The following CNOT7 variants were observed in gnomAD, a reference collection of about 807,000 sequenced individuals.
CNOT7 encodes CCR4-NOT transcription complex subunit 7, also known as BTG1-binding factor 1.
A neutral mutation model predicts 37.1 loss-of-function variants in CNOT7; 4 were observed. The observed-to-expected ratio is 0.11, with a 90% CI of 0.05 to 0.25. The LOEUF (loss-of-function observed/expected upper bound fraction) is 0.25. Among genes scored for constraint, CNOT7 ranks in the 10% least tolerant of loss-of-function variants. The pLI is 1.00. For missense variants in CNOT7, 170 were observed against 336.2 expected (o/e 0.51, Z 3.87); for synonymous variants, 128 against 115.6 (o/e 1.11, Z -0.69).
chr8:17,243,439 T>C lies in CNOT7; in HGVS notation c.118-254A>G, dbSNP rs555006068. 109 of 606,900 alleles carry C rather than the reference T, an allele frequency of 1.8e-4. 1 individual carries two copies. Among genetic ancestry groups the C allele is most frequent in the South Asian group, 1.6e-3 (105 of 65,154 alleles). 37.6% of individuals were successfully genotyped at this position (606,900 alleles called of 1,614,324 possible). A position where few individuals can be genotyped will look rare whatever the true frequency, so the allele number is the denominator to read the frequency against. ...CATGTGATAAATTTAACCAAATACT[T>C]ACTCTATAACCAAGAAAGGGGGGAA... On this transcript the variant is annotated intron_variant, in intron 2 of 6. Transcript: ENST00000361272.
At chr8:17,232,349 C>T in intron 6 of CNOT7, 78 bp downstream of exon 6, 1 of 1,608,762 alleles carries the variant, frequency 6.2e-7, no homozygotes, top group Non-Finnish European at 8.5e-7. Context: ...TACTTGTTGC[C>T]CAAAATCTTT....
intron 2 of CNOT7, chr8:17,244,407 C>G (rs1810609208): frequency 6.6e-6 from 1 of 152,232 alleles, no homozygotes; most frequent in Non-Finnish European, 1.5e-5. Context: ...CTTCTGGGAG[C>G]TCATGTGGTA....
intron 3 of CNOT7, among the ~76,000 whole-genome samples, chr8:17,240,292 C>T (rs1386573178): frequency 6.6e-6 from 1 of 152,138 alleles, no homozygotes; most frequent in Admixed American, 6.5e-5. Flanking sequence ...CACATGTGGC[C>T]CGGCATGGCT....
chr8:17,239,491 A>G (rs1809846372), intron 3 of CNOT7, among the ~76,000 whole-genome samples: 1 of 152,096 alleles, frequency 6.6e-6, no homozygotes. Flanking sequence ...TACTGCAATC[A>G]CCAAAAGTGA....
chr8:17,232,683 G>A, intron 5 of CNOT7, 146 bp from the exon 6 acceptor site: 1 of 653,676 alleles, frequency 1.5e-6, no homozygotes, highest in Non-Finnish European at 2.6e-6. Context: ...AAGAAACAGA[G>A]AATGTGAATT....
At chr8:17,232,089 C>T (rs1387412525) in intron 6 of CNOT7, 3 of 1,000,844 alleles carry the variant, frequency 3.0e-6, no homozygotes, top group Non-Finnish European at 3.7e-6. Context: ...CAGAAAAGAA[C>T]TCTGGAGTTC....
chr8:17,243,265 CAAAG>C, intron 2 of CNOT7, 80 bp from the exon 3 acceptor site: 1 of 1,082,206 alleles, frequency 9.2e-7, no homozygotes, highest in East Asian at 2.4e-5. Context: ...TGATGCAAAT[CAAAG>C]AATCCTACAG....
chr8:17,234,288 A>G (rs2150977302), intron 5 of CNOT7, among the ~76,000 whole-genome samples: 1 of 152,334 alleles, frequency 6.6e-6, no homozygotes, highest in South Asian at 2.1e-4. Context: ...AAGGAAAGAA[A>G]AACTTTTGCC....
At chr8:17,231,654 AG>A in intron 6 of CNOT7, 1 of 985,454 alleles carries the variant, frequency 1.0e-6, no homozygotes, top group South Asian at 4.7e-5. Flanking sequence ...CTTATAGTCA[AG>A]AAAAACCTCA....
intron 6 of CNOT7, chr8:17,231,733 T>G: frequency 1.0e-6 from 1 of 985,416 alleles, no homozygotes; most frequent in Non-Finnish European, 1.2e-6. Context: ...ATCACTTAAT[T>G]ACTTAGGAGT....
At position 17,229,416 on chromosome 8, in the gene CNOT7, T is replaced by A. The variant is rs996771199; in HGVS notation, c.*1304A>T. ...TTTGGAGATTTGCTAATATTACTGA[T>A]TGAAGTGTAGGTAACACACATTATA... On this transcript the variant is annotated 3_prime_UTR_variant, in exon 7 of 7. Coordinates refer to ENST00000361272, the MANE Select transcript of CNOT7 (RefSeq NM_013354.7). 6.6e-6 allele frequency: 1 copy of A among 152,336 alleles called. No individual in the cohort carries two copies. Among genetic ancestry groups the A allele is most frequent in the Admixed American group, 6.6e-5 (1 of 15,228 alleles). 9.4% of individuals were successfully genotyped at this position (152,336 alleles called of 1,614,324 possible).
chr8:17,232,217 A>G (rs1216494764), intron 6 of CNOT7: 3 of 1,394,358 alleles, frequency 2.2e-6, no homozygotes, highest in East Asian at 5.6e-5. Flanking sequence ...TGTTGGTTCT[A>G]TGATGAACAT....
chr8:17,231,701 A>G, intron 6 of CNOT7: 3 of 985,430 alleles, frequency 3.0e-6, no homozygotes, highest in South Asian at 9.4e-5. Context: ...CTGTTTACCT[A>G]TAGCTAGGTG....
rs188113569 is a variant in CNOT7 at position 17,243,044 on chromosome 8, C to G, written c.259G>C (p.Glu87Gln). ...LGLTFMNEQG[E>Q]YPPGTSTWQF... The stretch of plus-strand genomic sequence containing the variant: ...CAAGTTGAAGTTCCTGGAGGGTATT[C>G]TCCTTGCTCATTCATAAATGTCAGT... The change falls in exon 3 of 7, where the codon GAA (glutamate) becomes CAA (glutamine). Residue 87 changes from glutamate (E) to glutamine (Q), a missense_variant. Coordinates refer to ENST00000361272, the MANE Select transcript of CNOT7 (RefSeq NM_013354.7). The G allele has an allele frequency of 3.8e-5, 61 of 1,607,344 alleles. 1 individual carries two copies. In the East Asian group the frequency reaches 1.3e-3, roughly 34 times the overall value.
Position 17,228,333 on chromosome 8 carries a change from A to G in CNOT7, c.*2387T>C, listed in dbSNP as rs974444259. The stretch of plus-strand genomic sequence containing the variant: ...CTTACATCTGGAACCTAGACTTTAC[A>G]AACATTGAGACTGTCTGGAACAAAA... On this transcript the variant is annotated 3_prime_UTR_variant, in exon 7 of 7. Coordinates refer to ENST00000361272, the MANE Select transcript of CNOT7 (RefSeq NM_013354.7). 1.3e-5 allele frequency: 2 copies of G among 151,948 alleles called. No individual in the cohort carries two copies. The highest frequency in any genetic ancestry group is 2.9e-5 in the Non-Finnish European group (2 of 67,854). The allele number at this position is 151,948 out of a possible 1,614,324, so 9.4% of individuals were successfully genotyped here.
At chr8:17,245,356 T>TAAA in intron 1 of CNOT7, 109 bp from the exon 2 acceptor site, 6 of 372,578 alleles carry the variant, frequency 1.6e-5, no homozygotes, top group South Asian at 8.0e-5. Context: ...TCTTGACTCA[T>TAAA]AAAAAAAAAA....
intron 5 of CNOT7, 107 bp downstream of exon 5, chr8:17,234,609 G>T (rs1809090835): frequency 1.7e-6 from 2 of 1,181,716 alleles, no homozygotes; most frequent in Non-Finnish European, 2.5e-6. Context: ...TGCATTCACT[G>T]TAATACTTTA....
chr8:17,230,807 A>G lies in CNOT7; in HGVS notation c.771T>C (p.Gly257=). The G allele has an allele frequency of 6.2e-7, 1 of 1,608,166 alleles. No homozygotes were observed. Among genetic ancestry groups the G allele is most frequent in the East Asian group, 2.2e-5 (1 of 44,772 alleles). The part of the protein sequence containing the change: ...EDHIDDAKYC[G]HLYGLGSGSS... ...AACCAGAACCAAGGCCATACAAATG[A>G]CCACAATATTTGGCATCATCAATAT... is the stretch of plus-strand genomic sequence containing the variant. Residue 257 remains glycine (G), a synonymous_variant, in exon 7 of 7, where the codon GGT becomes GGC. Coordinates refer to ENST00000361272, the MANE Select transcript of CNOT7 (RefSeq NM_013354.7).
rs913677902 is a variant in CNOT7, at chr8:17,229,548, C to CT, written c.*1171dup. 1 of 151,976 alleles carries CT rather than the reference C, an allele frequency of 6.6e-6. No homozygotes were observed. Among genetic ancestry groups the CT allele is most frequent in the Non-Finnish European group, 1.5e-5 (1 of 67,774 alleles). The allele number at this position is 151,976 out of a possible 1,614,324, so 9.4% of individuals were successfully genotyped here. A position where few individuals can be genotyped will look rare whatever the true frequency, so the allele number is the denominator to read the frequency against. On this transcript the variant is annotated 3_prime_UTR_variant, in exon 7 of 7. Coordinates refer to ENST00000361272, the MANE Select transcript of CNOT7 (RefSeq NM_013354.7). ...TGCATGGCTAAGTATTTCACAGTCTCTTTTGTCAATATATATAAAATAGAT... is the reference window on the plus strand; with the variant it reads ...TGCATGGCTAAGTATTTCACAGTCTCTTTTTGTCAATATATATAAAATAGAT...
Sources: gnomAD v4.1 joint callset for allele counts (sites outside exome capture counted in the v4.1 genomes callset) on GRCh38, gnomAD v4.1.1 for gene constraint, MANE v1.5 for transcripts, NCBI Gene and HGNC (gene_info 2026-07-23, HGNC 2026-07-21) for gene names.